Variants in BMP7 observed in about 807,000 individuals in gnomAD.
BMP7 encodes the protein osteogenic protein 1.
Under a neutral mutation model 41.2 loss-of-function variants are expected in BMP7, and 12 were observed. The observed-to-expected ratio is 0.29, with a 90% CI of 0.19 to 0.47. The LOEUF (loss-of-function observed/expected upper bound fraction) is 0.47. BMP7 is among the 20% of genes least tolerant of loss of function. BMP7 has a pLI of 0.99. For synonymous variants in BMP7, 248 were observed against 250.0 expected (o/e 0.99, Z 0.07); for missense variants, 467 against 606.0 (o/e 0.77, Z 2.41).
intron 3 of BMP7, among the ~76,000 whole-genome samples, chr20:57,193,448 A>G (rs1984423095): frequency 6.6e-6 from 1 of 151,936 alleles, no homozygotes; most frequent in African/African-American, 2.4e-5. Context: ...AGGCTGGGAA[A>G]CTCCGCTTTG....
At chr20:57,187,603 G>C (rs1984245902) in intron 3 of BMP7, among the ~76,000 whole-genome samples, 1 of 151,628 alleles carries the variant, frequency 6.6e-6, no homozygotes, top group African/African-American at 2.4e-5. Context: ...GAGGGAGGAG[G>C]GATAGATGGA....
At chr20:57,221,309 G>T (rs549629286) in intron 2 of BMP7, among the ~76,000 whole-genome samples, 1 of 152,326 alleles carries the variant, frequency 6.6e-6, no homozygotes, top group Admixed American at 6.5e-5. Context: ...GACAGGCTGG[G>T]CAGGTCACTG....
At chr20:57,236,293 A>G (rs1203327846) in intron 1 of BMP7, among the ~76,000 whole-genome samples, 1 of 152,222 alleles carries the variant, frequency 6.6e-6, no homozygotes, top group Admixed American at 6.5e-5. Flanking sequence ...CAGGAGGGCG[A>G]TAACACCATC....
chr20:57,246,173 A>G (rs2066090157), intron 1 of BMP7, among the ~76,000 whole-genome samples: 1 of 152,214 alleles, frequency 6.6e-6, no homozygotes, highest in Non-Finnish European at 1.5e-5. Flanking sequence ...TTACACCTCA[A>G]TAAGCAGTTT....
chr20:57,262,513 CA>C (rs927939434), intron 1 of BMP7, among the ~76,000 whole-genome samples: 1 of 152,132 alleles, frequency 6.6e-6, no homozygotes, highest in African/African-American at 2.4e-5. Context: ...CTCAGCCTGG[CA>C]AAAAACTTGA....
intron 2 of BMP7, among the ~76,000 whole-genome samples, chr20:57,202,838 C>T (rs983507445): frequency 3.9e-5 from 6 of 152,088 alleles, no homozygotes; most frequent in South Asian, 2.1e-4. Flanking sequence ...AAGAGATACA[C>T]GCAGGGAAAA....
chr20:57,248,282 AT>A (rs1285861071), intron 1 of BMP7, among the ~76,000 whole-genome samples: 5 of 152,346 alleles, frequency 3.3e-5, no homozygotes, highest in African/African-American at 1.2e-4. Flanking sequence ...CATTTCAATC[AT>A]TTGAATGTGG....
intron 2 of BMP7, among the ~76,000 whole-genome samples, chr20:57,203,282 C>A (rs1416687985): frequency 6.6e-6 from 1 of 152,176 alleles, no homozygotes; most frequent in Admixed American, 6.5e-5. Flanking sequence ...TCCTTTCATT[C>A]TCTCTTCCTT....
At chr20:57,250,403 T>C (rs1292050247) in intron 1 of BMP7, among the ~76,000 whole-genome samples, 3 of 148,984 alleles carry the variant, frequency 2.0e-5, no homozygotes, top group African/African-American at 7.4e-5. Flanking sequence ...TGGTGATACA[T>C]GCCTGTAGTT....
intron 2 of BMP7, among the ~76,000 whole-genome samples, chr20:57,207,948 G>T (rs1026043632): frequency 6.7e-6 from 1 of 149,538 alleles, no homozygotes; most frequent in Non-Finnish European, 1.5e-5. Flanking sequence ...TCCTGCCTCA[G>T]CCTCCCCAGT....
At chr20:57,176,406 C>T (rs1301232795) in intron 4 of BMP7, among the ~76,000 whole-genome samples, 1 of 152,194 alleles carries the variant, frequency 6.6e-6, no homozygotes, top group African/African-American at 2.4e-5. Flanking sequence ...CTGATGTCTA[C>T]AGCCAAACCT....
At chr20:57,190,741 T>C (rs1264582628) in intron 3 of BMP7, among the ~76,000 whole-genome samples, 1 of 152,058 alleles carries the variant, frequency 6.6e-6, no homozygotes, top group African/African-American at 2.4e-5. Context: ...TCCTCACACA[T>C]ACTACCCTCC....
rs915679386 is a variant in BMP7, at chr20:57,224,389, G to A, written c.611+3840C>T. Among the ~76,000 whole-genome samples the A allele has an allele frequency of 6.6e-6, 1 of 152,196 alleles. No homozygotes were observed. Among genetic ancestry groups the A allele is most frequent in the African/African-American group, 2.4e-5 (1 of 41,452 alleles). ...CCCTGGCTGGCCTTGGCCTCCCAGG[G>A]AGGTTCTCAGAGGCCAGCTCCCAAA... On this transcript the variant is annotated intron_variant, in intron 2 of 6. Coordinates refer to ENST00000395863, the MANE Select transcript of BMP7 (RefSeq NM_001719.3). This position sits in a 1 kb window ranked among gnomAD's most constrained non-coding sequence, Gnocchi z 4.8.
rs114050203 is a variant in BMP7, at chr20:57,264,078, T to A, written c.418+1627A>T. ...TTCCTTCTTAACTGGCTGCTTAGTA[T>A]AATTTAAACTTTTTTGAAGGTATTT... On this transcript the variant is annotated intron_variant, in intron 1 of 6. Transcript: ENST00000395863. Among the ~76,000 whole-genome samples, 360 of 152,324 alleles carry A rather than the reference T, an allele frequency of 2.4e-3. 1 individual carries two copies. The highest frequency in any genetic ancestry group is 8.3e-3 in the African/African-American group (346 of 41,574).
chr20:57,233,612 G>C (rs2066036965), intron 1 of BMP7, among the ~76,000 whole-genome samples: 1 of 152,162 alleles, frequency 6.6e-6, no homozygotes, highest in South Asian at 2.1e-4. Context: ...AGTCACACCT[G>C]CCCCCGGCAT....
At chr20:57,206,760 T>C (rs540751661) in intron 2 of BMP7, among the ~76,000 whole-genome samples, 3 of 152,330 alleles carry the variant, frequency 2.0e-5, no homozygotes, top group Admixed American at 2.0e-4. Flanking sequence ...AAGACACTCC[T>C]GGAAGAGCAT....
intron 1 of BMP7, among the ~76,000 whole-genome samples, chr20:57,232,169 A>T (rs2066031734): frequency 6.6e-6 from 1 of 152,142 alleles, no homozygotes; most frequent in South Asian, 2.1e-4. Context: ...CAGCTGTGTG[A>T]CCTTCCCCAA....
At chr20:57,179,991 T>TC (rs1984037678) in intron 4 of BMP7, among the ~76,000 whole-genome samples, 1 of 151,768 alleles carries the variant, frequency 6.6e-6, no homozygotes. Context: ...CTAGTTCCTC[T>TC]CCCCCTCATT....
chr20:57,235,896 T>C (rs1486158287), intron 1 of BMP7, among the ~76,000 whole-genome samples: 1 of 151,956 alleles, frequency 6.6e-6, no homozygotes, highest in Non-Finnish European at 1.5e-5. Flanking sequence ...GGTGACCCTG[T>C]GGAAAGTGGA....
Sources: gnomAD v4.1 joint callset for allele counts (sites outside exome capture counted in the v4.1 genomes callset) on GRCh38, gnomAD v4.1.1 for gene constraint, Gnocchi (gnomAD v3.1) non-coding constraint, MANE v1.5 for transcripts, NCBI Gene and HGNC (gene_info 2026-07-23, HGNC 2026-07-21) for gene names.